LARGE1: variants seen among roughly 807,000 people sequenced by gnomAD.
The protein encoded by LARGE1 is LARGE xylosyl- and glucuronyltransferase 1.
In LARGE1, 43 loss-of-function variants were observed where a neutral mutation model predicts 87.6. The observed-to-expected ratio is 0.49, with a 90% CI of 0.38 to 0.63. The LOEUF (loss-of-function observed/expected upper bound fraction) is 0.63. LARGE1 is among the 30% of genes least tolerant of loss of function. LARGE1 has a pLI of 0.00. For synonymous variants in LARGE1, 434 were observed against 394.6 expected, an observed-to-expected ratio of 1.10 and a Z score of -1.18; for missense variants, 802 against 1,000.2, an observed-to-expected ratio of 0.80 and a Z score of 2.67.
At chr22:33,828,336 C>T (rs956427393) in intron 1 of LARGE1, among the ~76,000 whole-genome samples, 1 of 152,198 alleles carries the variant, frequency 6.6e-6, no homozygotes, top group East Asian at 1.9e-4. Flanking sequence ...CTGAGAGAGT[C>T]CTCTTCAAGG....
intron 6 of LARGE1, among the ~76,000 whole-genome samples, chr22:33,519,743 AAG>A (rs2071481111): frequency 6.6e-6 from 1 of 152,194 alleles, no homozygotes; most frequent in Non-Finnish European, 1.5e-5. Context: ...AAGGAAAAAA[AAG>A]AGAAAGAAAA....
At chr22:33,177,254 T>C (rs973118402) in intron 11 of LARGE1, among the ~76,000 whole-genome samples, 9 of 152,106 alleles carry the variant, frequency 5.9e-5, no homozygotes, top group African/African-American at 2.2e-4. Context: ...TGTATACGTA[T>C]GTAACAAACC....
chr22:33,876,197 G>C (rs1308682428), intron 1 of LARGE1, among the ~76,000 whole-genome samples: 1 of 152,144 alleles, frequency 6.6e-6, no homozygotes, highest in African/African-American at 2.4e-5. Context: ...CGGGAACCAG[G>C]TTAGAACCCC....
intron 3 of LARGE1, among the ~76,000 whole-genome samples, chr22:33,647,113 T>A (rs2149167053): frequency 6.6e-6 from 1 of 152,378 alleles, no homozygotes; most frequent in East Asian, 1.9e-4. Flanking sequence ...TCTCAGGGGC[T>A]ACTCCCAGAG....
chr22:33,909,808 G>A (rs1023894653), intron 1 of LARGE1, among the ~76,000 whole-genome samples: 2 of 152,136 alleles, frequency 1.3e-5, no homozygotes, highest in Non-Finnish European at 2.9e-5. Context: ...AGAGTGCTGG[G>A]ATTACAGGCA....
intron 6 of LARGE1, among the ~76,000 whole-genome samples, chr22:33,560,302 GAAC>G (rs575408431): frequency 3.4e-4 from 52 of 152,138 alleles, no homozygotes; most frequent in Non-Finnish European, 7.1e-4. Flanking sequence ...TAGTTGTAAG[GAAC>G]AACACAGAGT....
intron 6 of LARGE1, among the ~76,000 whole-genome samples, chr22:33,523,493 T>C (rs1242104372): frequency 1.3e-5 from 2 of 152,222 alleles, no homozygotes; most frequent in African/African-American, 2.4e-5. Context: ...GTATCTAATT[T>C]TGAGATTAGC....
chr22:33,399,795 G>A (rs966442111), intron 7 of LARGE1, among the ~76,000 whole-genome samples: 7 of 152,104 alleles, frequency 4.6e-5, no homozygotes, highest in Non-Finnish European at 8.8e-5. Context: ...TGATCTGCCC[G>A]CCTCGGCCTC....
At chr22:33,530,431 C>A (rs1187880119) in intron 6 of LARGE1, among the ~76,000 whole-genome samples, 2 of 150,236 alleles carry the variant, frequency 1.3e-5, no homozygotes, top group African/African-American at 4.9e-5. Flanking sequence ...TAGCAAACAC[C>A]ATTGCCTATT....
chr22:33,503,418 A>G (rs1342629802), intron 6 of LARGE1, among the ~76,000 whole-genome samples: 1 of 151,544 alleles, frequency 6.6e-6, no homozygotes, highest in Non-Finnish European at 1.5e-5. Context: ...GGAGTTCCTT[A>G]AAATACTAAA....
chr22:33,700,969 G>A (rs920332614), intron 2 of LARGE1, among the ~76,000 whole-genome samples: 8 of 152,154 alleles, frequency 5.3e-5, no homozygotes, highest in African/African-American at 9.7e-5. Flanking sequence ...GGACAAAGAC[G>A]TTGACAGCAG....
intron 9 of LARGE1, among the ~76,000 whole-genome samples, chr22:33,360,816 C>A (rs916492957): frequency 6.7e-6 from 1 of 149,954 alleles, no homozygotes; most frequent in African/African-American, 2.5e-5. Context: ...TGTACGAAGG[C>A]AGGTATCTTG....
intron 7 of LARGE1, among the ~76,000 whole-genome samples, chr22:33,409,480 A>G (rs2066228413): frequency 6.6e-6 from 1 of 152,140 alleles, no homozygotes; most frequent in African/African-American, 2.4e-5. Flanking sequence ...CTGCATCCAA[A>G]TGGCTTGTGT....
chr22:33,175,331 AG>A (rs1439556414), intron 11 of LARGE1, among the ~76,000 whole-genome samples: 1 of 152,178 alleles, frequency 6.6e-6, no homozygotes, highest in African/African-American at 2.4e-5. Flanking sequence ...AAAGAAATAA[AG>A]GGTATTCAAA....
chr22:33,406,579 A>G (rs1447600417), intron 7 of LARGE1, among the ~76,000 whole-genome samples: 1 of 151,990 alleles, frequency 6.6e-6, no homozygotes, highest in African/African-American at 2.4e-5. Flanking sequence ...CACACTTTAG[A>G]TCTCATTCAG....
chr22:33,269,920 G>A (rs533612965), downstream of LARGE1, among the ~76,000 whole-genome samples: 255 of 151,686 alleles, frequency 1.7e-3, no homozygotes, highest in Non-Finnish European at 2.9e-3. Flanking sequence ...CAGGAGAATG[G>A]TGTGAACCTG....
intron 11 of LARGE1, among the ~76,000 whole-genome samples, chr22:33,267,141 G>T (rs1426269950): frequency 1.3e-5 from 2 of 151,722 alleles, no homozygotes; most frequent in Non-Finnish European, 2.9e-5. Context: ...TCAGGAGGCT[G>T]AGGTACAAGA....
intron 6 of LARGE1, among the ~76,000 whole-genome samples, chr22:33,501,710 A>G (rs1219248355): frequency 2.6e-5 from 4 of 152,166 alleles, no homozygotes; most frequent in Admixed American, 6.5e-5. Flanking sequence ...GGCCTGGACT[A>G]TGACTCTCCA....
At chr22:33,817,067 C>T (rs1473659596) in intron 1 of LARGE1, among the ~76,000 whole-genome samples, 1 of 152,156 alleles carries the variant, frequency 6.6e-6, no homozygotes, top group South Asian at 2.1e-4. Flanking sequence ...TCTATACATA[C>T]ACACATGTGT....
Sources: gnomAD v4.1 joint callset for allele counts (sites outside exome capture counted in the v4.1 genomes callset) on GRCh38, gnomAD v4.1.1 for gene constraint, MANE v1.5 for transcripts, NCBI Gene and HGNC (gene_info 2026-07-23, HGNC 2026-07-21) for gene names.